Variants in WDR25 observed in about 807,000 individuals in gnomAD.
WDR25 encodes WD repeat-containing protein 25.
Under a neutral mutation model 47.7 loss-of-function variants are expected in WDR25, and 35 were observed. The observed-to-expected ratio is 0.73, with a 90% CI of 0.56 to 0.97. The LOEUF (loss-of-function observed/expected upper bound fraction) is 0.97, where lower values mean the gene tolerates loss of function less well. Among genes scored for constraint, WDR25 ranks in the 50% least tolerant of loss-of-function variants. The pLI is 0.00. For synonymous variants in WDR25, 248 were observed against 278.9 expected (o/e 0.89, Z 1.10); for missense variants, 634 against 704.7 (o/e 0.90, Z 1.14).
intron 3 of WDR25, among the ~76,000 whole-genome samples, chr14:100,472,884 C>T (rs1355792176): frequency 6.6e-6 from 1 of 152,258 alleles, no homozygotes; most frequent in Non-Finnish European, 1.5e-5. Flanking sequence ...AGGCCTATGG[C>T]CCTCTTCCTT....
rs774933542 is a variant in WDR25 at position 100,381,671 on chromosome 14, CA to C, written c.749del (p.Asn250ThrfsTer69). 1 of 1,614,200 alleles carries C rather than the reference CA, an allele frequency of 6.2e-7. No individual in the cohort carries two copies. Among genetic ancestry groups the C allele is most frequent in the Non-Finnish European group, 8.5e-7 (1 of 1,180,040 alleles). Reference sequence around the variant, plus strand: ...ACCTGAGAGGCCACAGGGGCCCTGTCAACACCATTCAGTGGTGTCCAGTCCT... The same window carrying C: ...ACCTGAGAGGCCACAGGGGCCCTGTCACACCATTCAGTGGTGTCCAGTCCT... ...FHLRGHRGPV[N>X]TIQWCPVLSK... On this transcript the variant is annotated frameshift_variant, in exon 2 of 7. Coordinates refer to ENST00000402312, the MANE Select transcript of WDR25 (RefSeq NM_001161476.3). LOFTEE classifies it high-confidence loss of function.
At chr14:100,455,796 T>C (rs183007697) in intron 2 of WDR25, among the ~76,000 whole-genome samples, 5 of 152,344 alleles carry the variant, frequency 3.3e-5, no homozygotes, top group East Asian at 1.9e-4. Flanking sequence ...TTCATACTTA[T>C]AGTGAATGAG....
intron 2 of WDR25, among the ~76,000 whole-genome samples, chr14:100,408,979 C>A (rs1005644516): frequency 1.3e-5 from 2 of 152,180 alleles, no homozygotes; most frequent in Non-Finnish European, 2.9e-5. Flanking sequence ...ATGTGGAGCG[C>A]TAGACTTATT....
chr14:100,491,186 G>A (rs899229984), intron 4 of WDR25, among the ~76,000 whole-genome samples: 6 of 152,228 alleles, frequency 3.9e-5, no homozygotes, highest in East Asian at 3.9e-4. Flanking sequence ...CCTCTTGGGA[G>A]GTGGACTGGG....
At chr14:100,454,747 C>A in intron 2 of WDR25, 1 of 322,374 alleles carries the variant, frequency 3.1e-6, no homozygotes, top group Non-Finnish European at 6.1e-6. Context: ...AACCAGAGGA[C>A]AGAGTTTGGG....
rs1169020324 is a variant in WDR25, at chr14:100,425,956, C to T, written c.823-42065C>T. Among the ~76,000 whole-genome samples the T allele has an allele frequency of 2.0e-5, 3 of 152,214 alleles. No individual in the cohort carries two copies. Among genetic ancestry groups the T allele is most frequent in the Non-Finnish European group, 4.4e-5 (3 of 68,040 alleles). On this transcript the variant is annotated intron_variant, in intron 2 of 6. Coordinates refer to ENST00000402312, the MANE Select transcript of WDR25 (RefSeq NM_001161476.3). The surrounding 1 kb of genome is among the most constrained non-coding windows in gnomAD (Gnocchi z 4.8). ...TGCGAGGACGCCGTCCTGACATTTC[C>T]ACCCCAAATGGGATTTGCATAAGCC...
At chr14:100,492,223 G>T (rs756202218) in intron 4 of WDR25, among the ~76,000 whole-genome samples, 2 of 152,188 alleles carry the variant, frequency 1.3e-5, no homozygotes, top group Non-Finnish European at 2.9e-5. Flanking sequence ...TTCACAATTG[G>T]CTGGGGAGTC....
chr14:100,503,378 A>G (rs530073247), intron 4 of WDR25, among the ~76,000 whole-genome samples: 4 of 152,216 alleles, frequency 2.6e-5, no homozygotes, highest in African/African-American at 9.6e-5. Context: ...AAGCCTCATT[A>G]AGGAGTGTTA....
intron 2 of WDR25, among the ~76,000 whole-genome samples, chr14:100,454,099 T>C (rs1286430722): frequency 1.3e-5 from 2 of 152,226 alleles, no homozygotes; most frequent in Non-Finnish European, 2.9e-5. Flanking sequence ...TGTGAGCCCT[T>C]TGTAACCCAG....
At position 100,502,540 on chromosome 14, in the gene WDR25, C is replaced by T. The variant is rs1252946414; in HGVS notation, c.1101+18416C>T. Reference sequence around the variant, plus strand: ...CAGGCTGCTCCCCACCTGCCAGCTCCAGTTCCACCAGTGTCCTGGAGCTGC... The same window carrying T: ...CAGGCTGCTCCCCACCTGCCAGCTCTAGTTCCACCAGTGTCCTGGAGCTGC... On this transcript the variant is annotated intron_variant, in intron 4 of 6. Transcript: ENST00000402312. The surrounding 1 kb of genome is among the most constrained non-coding windows in gnomAD (Gnocchi z 4.5). Among the ~76,000 whole-genome samples the T allele has an allele frequency of 6.6e-6, 1 of 152,226 alleles. No homozygotes were observed. The highest frequency in any genetic ancestry group is 2.4e-5 in the African/African-American group (1 of 41,466).
At chr14:100,521,661 G>A (rs933216745) in intron 4 of WDR25, among the ~76,000 whole-genome samples, 8 of 152,114 alleles carry the variant, frequency 5.3e-5, no homozygotes. Flanking sequence ...GTCCTTTCTC[G>A]ATGAACATTG....
intron 2 of WDR25, among the ~76,000 whole-genome samples, chr14:100,411,025 C>T (rs954836716): frequency 3.9e-5 from 6 of 151,986 alleles, no homozygotes; most frequent in Non-Finnish European, 5.9e-5. Flanking sequence ...TCAAGCAATC[C>T]GCCCGCCTCA....
chr14:100,408,045 G>A (rs2140184185), intron 2 of WDR25, among the ~76,000 whole-genome samples: 1 of 152,248 alleles, frequency 6.6e-6, no homozygotes, highest in East Asian at 1.9e-4. Context: ...GGGATGGAGA[G>A]TGTGGTGATG....
At chr14:100,412,533 C>T (rs1897741646) in intron 2 of WDR25, among the ~76,000 whole-genome samples, 1 of 152,218 alleles carries the variant, frequency 6.6e-6, no homozygotes, top group Non-Finnish European at 1.5e-5. Context: ...TGTAAGTATG[C>T]ATGTGCGTCT....
chr14:100,428,602 G>A lies in WDR25; in HGVS notation c.823-39419G>A, dbSNP rs193048778. Among the ~76,000 whole-genome samples, 2 of 152,298 alleles carry A rather than the reference G, an allele frequency of 1.3e-5. No homozygotes were observed. Among genetic ancestry groups the A allele is most frequent in the African/African-American group, 4.8e-5 (2 of 41,564 alleles). The stretch of plus-strand genomic sequence containing the variant: ...CTGCTAGCCTGCTCCATGCTGTCCA[G>A]GAGAGTACTGGGGCCTTGCCAGCGG... On this transcript the variant is annotated intron_variant, in intron 2 of 6. Transcript: ENST00000402312. This position sits in a 1 kb window ranked among gnomAD's most constrained non-coding sequence, Gnocchi z 4.3.
At chr14:100,475,280 T>G (rs960790781) in intron 3 of WDR25, among the ~76,000 whole-genome samples, 34 of 152,346 alleles carry the variant, frequency 2.2e-4, no homozygotes, top group African/African-American at 7.9e-4. Flanking sequence ...CTTCTGGGTG[T>G]ATCTCCAAAG....
At chr14:100,522,583 C>G (rs2029910811) in intron 4 of WDR25, among the ~76,000 whole-genome samples, 1 of 152,222 alleles carries the variant, frequency 6.6e-6, no homozygotes, top group African/African-American at 2.4e-5. Flanking sequence ...GACTCTAGCT[C>G]TAGCTGGCTG....
chr14:100,459,510 T>C (rs1555392077), intron 2 of WDR25, among the ~76,000 whole-genome samples: 7 of 152,102 alleles, frequency 4.6e-5, no homozygotes, highest in Non-Finnish European at 8.8e-5. Context: ...TTTGAAATCT[T>C]AACCCCCAGT....
At chr14:100,482,630 G>T (rs1470565627) in intron 3 of WDR25, among the ~76,000 whole-genome samples, 2 of 151,708 alleles carry the variant, frequency 1.3e-5, no homozygotes, top group African/African-American at 4.9e-5. Flanking sequence ...GAGTACTCAT[G>T]TGACTGTCAT....
Sources: allele counts gnomAD v4.1 joint callset (sites outside exome capture counted in the v4.1 genomes callset), GRCh38; gene constraint gnomAD v4.1.1; non-coding constraint Gnocchi (gnomAD v3.1); transcripts MANE v1.5; gene names NCBI Gene and HGNC (gene_info 2026-07-23, HGNC 2026-07-21).